Variants in CASR observed in about 807,000 individuals in gnomAD.
CASR encodes calcium sensing receptor, also known as extracellular calcium-sensing receptor.
CASR carries 23 observed loss-of-function variants against 69.1 expected under a neutral mutation model. The observed-to-expected ratio is 0.33, with a 90% CI of 0.24 to 0.47. The LOEUF (loss-of-function observed/expected upper bound fraction) is 0.47. Among genes scored for constraint, CASR ranks in the 20% least tolerant of loss-of-function variants. The pLI is 1.00. For synonymous variants in CASR, 541 were observed against 544.7 expected (o/e 0.99, Z 0.10); for missense variants, 924 against 1,356.1 (o/e 0.68, Z 5.00).
At chr3:122,226,383 A>G (rs903126600) in intron 1 of CASR, among the ~76,000 whole-genome samples, 8 of 152,060 alleles carry the variant, frequency 5.3e-5, no homozygotes, top group African/African-American at 1.7e-4. Flanking sequence ...GAAGCTGCAG[A>G]CCTTCGCAGT....
At chr3:122,255,407 G>A (rs774678625) in intron 2 of CASR, among the ~76,000 whole-genome samples, 5 of 152,160 alleles carry the variant, frequency 3.3e-5, no homozygotes, top group Non-Finnish European at 5.9e-5. Context: ...CAATAAAACT[G>A]GATTTCTGTT....
At position 122,285,444 on chromosome 3, in the gene CASR, T is replaced by G. The variant is rs1337712951; in HGVS notation, c.*253T>G. Reference sequence around the variant, plus strand: ...TTGAGATCTCCACGGTCAGATTTGCTGTTCACCCACATCTAATGTCTCTTC... The same window carrying G: ...TTGAGATCTCCACGGTCAGATTTGCGGTTCACCCACATCTAATGTCTCTTC... On this transcript the variant is annotated 3_prime_UTR_variant, in exon 7 of 7. Coordinates refer to ENST00000639785, the MANE Select transcript of CASR (RefSeq NM_000388.4). The G allele has an allele frequency of 2.1e-6, 1 of 478,188 alleles. No individual in the cohort carries two copies. The highest frequency in any genetic ancestry group is 4.1e-5 in the East Asian group (1 of 24,556). The allele number at this position is 478,188 out of a possible 1,614,324, so 29.6% of individuals were successfully genotyped here.
Position 122,285,719 on chromosome 3 carries a change from T to C in CASR, c.*528T>C, listed in dbSNP as rs1282195195. On this transcript the variant is annotated 3_prime_UTR_variant, in exon 7 of 7. Transcript: ENST00000639785. ...TTTGTCTCCTACCTGCTGCTGCTATTATGTAACATCCAGAAGGTTTGCACC... is the reference window on the plus strand; with the variant it reads ...TTTGTCTCCTACCTGCTGCTGCTATCATGTAACATCCAGAAGGTTTGCACC... The C allele has an allele frequency of 5.7e-6, 1 of 175,950 alleles. No individual in the cohort carries two copies. The highest frequency in any genetic ancestry group is 5.4e-5 in the Admixed American group (1 of 18,638). 10.9% of individuals were successfully genotyped at this position (175,950 alleles called of 1,614,324 possible). A position where few individuals can be genotyped will look rare whatever the true frequency, so the allele number is the denominator to read the frequency against.
intron 1 of CASR, among the ~76,000 whole-genome samples, chr3:122,251,340 C>G (rs1448104555): frequency 6.6e-6 from 1 of 152,210 alleles, no homozygotes; most frequent in East Asian, 1.9e-4. Flanking sequence ...TGGACCTCCC[C>G]TCACCTAAGG....
chr3:122,227,922 C>A (rs57517313), intron 1 of CASR, among the ~76,000 whole-genome samples: 25,545 of 146,614 alleles, frequency 0.17, 2,225 homozygotes, highest in South Asian at 0.19. Context: ...ATAAATAAAT[C>A]AATCCCTATT....
At chr3:122,252,680 A>C (rs2074510994) in intron 1 of CASR, among the ~76,000 whole-genome samples, 1 of 152,120 alleles carries the variant, frequency 6.6e-6, no homozygotes, top group Admixed American at 6.5e-5. Context: ...TATGAAGGAC[A>C]ATGATGAGAA....
At chr3:122,237,268 C>T (rs918768159) in intron 1 of CASR, among the ~76,000 whole-genome samples, 3 of 152,034 alleles carry the variant, frequency 2.0e-5, no homozygotes, top group Non-Finnish European at 4.4e-5. Flanking sequence ...CACCACCACG[C>T]CCGACTAATT....
At chr3:122,238,024 G>T (rs2074345457) in intron 1 of CASR, among the ~76,000 whole-genome samples, 1 of 152,162 alleles carries the variant, frequency 6.6e-6, no homozygotes, top group Non-Finnish European at 1.5e-5. Context: ...TCCACTGATG[G>T]CTCCCCCCTG....
chr3:122,261,608 G>A lies in CASR; in HGVS notation c.573G>A (p.Glu191=), dbSNP rs141631116. The change falls in exon 4 of 7, where the codon GAG becomes GAA. Residue 191 remains glutamate, a synonymous_variant. Coordinates refer to ENST00000639785, the MANE Select transcript of CASR (RefSeq NM_000388.4). ...TCCTCCGAACCATCCCCAATGATGA[G>A]CACCAGGCCACTGCCATGGCAGACA... ...KSFLRTIPND[E]HQATAMADII... is the part of the protein sequence containing the mutation. The A allele has an allele frequency of 1.0e-3, 1,651 of 1,614,166 alleles. 27 individuals carry two copies. The South Asian group carries it at 0.014, about 13-fold the overall frequency.
intron 5 of CASR, among the ~76,000 whole-genome samples, chr3:122,276,908 G>A (rs562553884): frequency 6.6e-6 from 1 of 152,290 alleles, no homozygotes; most frequent in East Asian, 1.9e-4. Context: ...AGGCTGCTAA[G>A]AATCCAGGTC....
intron 1 of CASR, among the ~76,000 whole-genome samples, chr3:122,252,413 G>A (rs1471051050): frequency 7.7e-4 from 16 of 20,702 alleles, no homozygotes; most frequent in East Asian, 3.4e-3. Context: ...GAAGGAAAAA[G>A]AAAGAAAGAA....
rs35223979 is a variant in CASR at position 122,275,446 on chromosome 3, G to A, written c.1378-366G>A. Among the ~76,000 whole-genome samples, 816 of 152,334 alleles carry A rather than the reference G, an allele frequency of 5.4e-3. 5 individuals are homozygous for A. Among genetic ancestry groups the A allele is most frequent in the African/African-American group, 0.018 (763 of 41,580 alleles). On this transcript the variant is annotated intron_variant, in intron 4 of 6. Coordinates refer to ENST00000639785, the MANE Select transcript of CASR (RefSeq NM_000388.4). ...CCAATGCCCAGCTCAGAAGATGCCA[G>A]GGATGGACTCTGGCTTATAAATCCT...
chr3:122,220,275 C>G (rs950360083), intron 1 of CASR, among the ~76,000 whole-genome samples: 5 of 152,238 alleles, frequency 3.3e-5, no homozygotes, highest in Non-Finnish European at 7.3e-5. Flanking sequence ...CTTCATCCTG[C>G]TCTTCCTCCA....
intron 1 of CASR, among the ~76,000 whole-genome samples, chr3:122,212,520 A>G (rs1001297404): frequency 1.3e-5 from 2 of 152,214 alleles, no homozygotes; most frequent in African/African-American, 4.8e-5. Flanking sequence ...TTACCTGTGT[A>G]ACAAACCTGC....
chr3:122,274,875 C>T (rs1157618835), intron 4 of CASR, among the ~76,000 whole-genome samples: 3 of 152,162 alleles, frequency 2.0e-5, no homozygotes, highest in African/African-American at 7.2e-5. Context: ...GCTGGCCTCA[C>T]ATGAAAGATA....
In CASR at chr3:122,284,184, T is replaced by C. The variant is rs1328499732; in HGVS notation, c.2230T>C (p.Tyr744His). Residue 744 changes from tyrosine (Y) to histidine (H), a missense_variant, in exon 7 of 7, where the codon TAC becomes CAC. By Grantham distance (83) the Tyr-to-His change is moderately conservative (BLOSUM62 2). Around this residue, in one of 8 missense-constraint regions of CASR, gnomAD observed 184 missense variants for 278.8 expected, o/e 0.66. Transcript: ENST00000639785. ...MQIVICVIWL[Y>H]TAPPSSYRNQ... ...GATTGTCATCTGTGTGATCTGGCTC[T>C]ACACCGCGCCCCCGTCAAGCTACCG... 3 of 1,613,902 alleles carry C rather than the reference T, an allele frequency of 1.9e-6. No homozygotes were observed. Among genetic ancestry groups the C allele is most frequent in the African/African-American group, 1.3e-5 (1 of 74,940 alleles).
intron 1 of CASR, among the ~76,000 whole-genome samples, chr3:122,224,552 C>G (rs540734266): frequency 1.2e-4 from 19 of 152,208 alleles, no homozygotes; most frequent in African/African-American, 3.9e-4. Flanking sequence ...AAGACACAAA[C>G]AAATGGAGAA....
chr3:122,235,253 G>A (rs975847076), intron 1 of CASR, among the ~76,000 whole-genome samples: 11 of 152,312 alleles, frequency 7.2e-5, no homozygotes, highest in African/African-American at 1.9e-4. Flanking sequence ...GACTCTGCTC[G>A]GAAAGGTAGA....
intron 1 of CASR, among the ~76,000 whole-genome samples, chr3:122,204,654 A>G (rs577973736): frequency 1.3e-4 from 20 of 152,230 alleles, no homozygotes; most frequent in Admixed American, 1.1e-3. Context: ...CCTCCAAGCT[A>G]TTCTCCATAG....
Sources: gnomAD v4.1 joint callset for allele counts (sites outside exome capture counted in the v4.1 genomes callset) on GRCh38, gnomAD v4.1.1 for gene constraint, gnomAD v4.1.1 regional missense constraint, MANE v1.5 for transcripts, NCBI Gene and HGNC (gene_info 2026-07-23, HGNC 2026-07-21) for gene names.